The following PHACTR1 variants were observed in gnomAD, a reference collection of about 807,000 sequenced individuals.
PHACTR1 encodes the protein phosphatase and actin regulator 1, also known as RPEL repeat containing 1.
A neutral mutation model predicts 69.2 loss-of-function variants in PHACTR1; 16 were observed. The ratio of observed to expected loss-of-function variants is 0.23; its 90% CI spans 0.16 to 0.35. The LOEUF is 0.35. Ranked by LOEUF, PHACTR1 falls within the 10% of genes least tolerant of loss-of-function variation. The pLI is 1.00. For missense variants in PHACTR1, 510 were observed against 734.7 expected (o/e 0.69, Z 3.54); for synonymous variants, 312 against 284.5 (o/e 1.10, Z -0.97).
chr6:13,270,101 A>G (rs1038804883), intron 10 of PHACTR1, among the ~76,000 whole-genome samples: 12 of 152,230 alleles, frequency 7.9e-5, no homozygotes, highest in African/African-American at 2.9e-4. Flanking sequence ...ATTATGACCC[A>G]CTAGCTGTAA....
chr6:12,833,720 A>C (rs771334343), intron 4 of PHACTR1, among the ~76,000 whole-genome samples: 6 of 152,134 alleles, frequency 3.9e-5, no homozygotes, highest in Non-Finnish European at 8.8e-5. Flanking sequence ...GCATGTGGAC[A>C]CAGTTTATTC....
At chr6:12,970,875 G>A (rs371392107) in intron 4 of PHACTR1, among the ~76,000 whole-genome samples, 5 of 152,302 alleles carry the variant, frequency 3.3e-5, no homozygotes, top group African/African-American at 1.2e-4. Context: ...AATGAAAGAT[G>A]TTGATGCCAT....
chr6:13,248,243 A>G (rs964730974), intron 10 of PHACTR1, among the ~76,000 whole-genome samples: 3 of 152,238 alleles, frequency 2.0e-5, no homozygotes, highest in Admixed American at 6.5e-5. Flanking sequence ...GTCAGCAAAC[A>G]GAGCCACTGG....
At chr6:13,075,783 C>T (rs1810365508) in intron 5 of PHACTR1, among the ~76,000 whole-genome samples, 2 of 152,118 alleles carry the variant, frequency 1.3e-5, no homozygotes, top group South Asian at 4.1e-4. Flanking sequence ...CCCTGAATAC[C>T]CCTTAACAGA....
intron 5 of PHACTR1, among the ~76,000 whole-genome samples, chr6:13,089,300 G>A (rs568984957): frequency 4.7e-4 from 72 of 152,278 alleles, no homozygotes; most frequent in Non-Finnish European, 8.2e-4. Context: ...AGAGAACCCA[G>A]GGGTCCTCAG....
At chr6:12,764,763 G>C (rs1020592858) in intron 4 of PHACTR1, among the ~76,000 whole-genome samples, 1 of 152,016 alleles carries the variant, frequency 6.6e-6, no homozygotes, top group Non-Finnish European at 1.5e-5. Context: ...CTTGGGAAGT[G>C]GGGCTCCCAC....
At chr6:12,724,966 C>T (rs1046005689) in intron 3 of PHACTR1, among the ~76,000 whole-genome samples, 2 of 152,154 alleles carry the variant, frequency 1.3e-5, no homozygotes, top group African/African-American at 2.4e-5. Flanking sequence ...AAATAACACT[C>T]GGCATTAGAA....
In PHACTR1 at chr6:13,119,151, T is replaced by A. The variant is rs147872537; in HGVS notation, c.416-41053T>A. Among the ~76,000 whole-genome samples, 432 of 152,298 alleles carry A rather than the reference T, an allele frequency of 2.8e-3. 6 individuals carry two copies. The highest frequency in any genetic ancestry group is 9.6e-3 in the African/African-American group (398 of 41,554). The stretch of plus-strand genomic sequence containing the variant: ...CTTCATTTCTGTTTCTCCCCAAGCA[T>A]ATTTCTCACATGGTGGAAGATAGCA... On this transcript the variant is annotated intron_variant, in intron 5 of 14. Transcript: ENST00000332995.
chr6:13,284,632 A>G (rs912282875), intron 13 of PHACTR1, among the ~76,000 whole-genome samples: 1 of 148,976 alleles, frequency 6.7e-6, no homozygotes, highest in African/African-American at 2.5e-5. Flanking sequence ...GTAGGTAACG[A>G]TAGAAACTAT....
Position 13,227,928 on chromosome 6 carries a change from A to C in PHACTR1, c.1099A>C (p.Thr367Pro). The C allele has an allele frequency of 6.2e-7, 1 of 1,613,996 alleles. No homozygotes were observed. Among genetic ancestry groups the C allele is most frequent in the Non-Finnish European group, 8.5e-7 (1 of 1,179,880 alleles). Reference protein sequence around the residue: ...MGLPEIRQVPTVVIECDDNKE... With the variant: ...MGLPEIRQVPPVVIECDDNKE... ...CCTTCCAGAAATAAGACAAGTGCCAACTGTTGTGATTGAATGTGATGACAA... is the reference window on the plus strand; with the variant it reads ...CCTTCCAGAAATAAGACAAGTGCCACCTGTTGTGATTGAATGTGATGACAA... The change falls in exon 9 of 15, where the codon ACT (threonine) becomes CCT (proline). Residue 367 changes from threonine to proline, a missense_variant. By Grantham distance (38) the Thr-to-Pro change is conservative. Around this residue, in one of 2 missense-constraint regions of PHACTR1, gnomAD observed 419 missense variants for 530.9 expected, o/e 0.79. Coordinates refer to ENST00000332995, the MANE Select transcript of PHACTR1 (RefSeq NM_030948.6).
intron 5 of PHACTR1, among the ~76,000 whole-genome samples, chr6:13,084,721 T>G (rs1811993495): frequency 6.6e-6 from 1 of 152,012 alleles, no homozygotes; most frequent in South Asian, 2.1e-4. Context: ...TACATAACAA[T>G]GTATAAGAAG....
At chr6:12,964,521 C>T (rs1793184650) in intron 4 of PHACTR1, among the ~76,000 whole-genome samples, 1 of 152,140 alleles carries the variant, frequency 6.6e-6, no homozygotes, top group Non-Finnish European at 1.5e-5. Flanking sequence ...CAGGGGAAGG[C>T]ACGCCTGGAG....
At chr6:12,749,929 C>A (rs1766372353) in intron 4 of PHACTR1, 139 bp downstream of exon 4, 1 of 806,158 alleles carries the variant, frequency 1.2e-6, no homozygotes, top group Non-Finnish European at 1.9e-6. Context: ...TTTGTGTCTC[C>A]GGTGCGCAGA....
intron 5 of PHACTR1, among the ~76,000 whole-genome samples, chr6:13,152,555 A>G (rs1824473554): frequency 6.6e-6 from 1 of 152,218 alleles, no homozygotes; most frequent in Admixed American, 6.5e-5. Flanking sequence ...TTGGTCCTTT[A>G]TCTCCAGACT....
At chr6:12,867,768 T>C (rs1462984607) in intron 4 of PHACTR1, among the ~76,000 whole-genome samples, 4 of 152,210 alleles carry the variant, frequency 2.6e-5, no homozygotes, top group African/African-American at 7.2e-5. Context: ...AAGAGGTATT[T>C]GTTGGGTTTT....
intron 4 of PHACTR1, among the ~76,000 whole-genome samples, chr6:12,901,929 G>A (rs959219883): frequency 3.9e-5 from 6 of 152,212 alleles, no homozygotes; most frequent in Non-Finnish European, 7.3e-5. Context: ...AACAAGGGAA[G>A]TGGGGGGAAT....
chr6:12,816,560 C>T (rs550891727), intron 4 of PHACTR1, among the ~76,000 whole-genome samples: 2 of 152,348 alleles, frequency 1.3e-5, no homozygotes, highest in African/African-American at 4.8e-5. Context: ...CAGTGTGTCA[C>T]TGTCCACTGA....
At chr6:12,878,463 C>T (rs373730567) in intron 4 of PHACTR1, among the ~76,000 whole-genome samples, 13 of 152,198 alleles carry the variant, frequency 8.5e-5, no homozygotes, top group African/African-American at 3.1e-4. Flanking sequence ...TCTTAGGTCA[C>T]AGAACCAAGT....
At position 12,950,856 on chromosome 6, in the gene PHACTR1, T is replaced by G. The variant is rs917743116; in HGVS notation, c.251-102509T>G. ...CATCCCAGGCCTCTTCCTACTGCAG[T>G]TGCTACCTTGTAACACCTCATTCAT... On this transcript the variant is annotated intron_variant, in intron 4 of 14. Coordinates refer to ENST00000332995, the MANE Select transcript of PHACTR1 (RefSeq NM_030948.6). Among the ~76,000 whole-genome samples, 160 of 152,192 alleles carry G rather than the reference T, an allele frequency of 1.1e-3. 13 individuals are homozygous for G. Among genetic ancestry groups the G allele is most frequent in the Non-Finnish European group, 4.4e-5 (3 of 68,032 alleles).
Sources: allele counts gnomAD v4.1 joint callset (sites outside exome capture counted in the v4.1 genomes callset), GRCh38; gene constraint gnomAD v4.1.1; regional missense constraint gnomAD v4.1.1; transcripts MANE v1.5; gene names NCBI Gene and HGNC (gene_info 2026-07-23, HGNC 2026-07-21).